ZNF717: variants seen among roughly 807,000 people sequenced by gnomAD.
The protein encoded by ZNF717 is zinc finger protein 717.
ZNF717 carries 9 observed loss-of-function variants against 13.8 expected under a neutral mutation model. That is an observed-to-expected ratio of 0.65 (90% CI 0.39 to 1.14). The LOEUF (loss-of-function observed/expected upper bound fraction) is 1.14. Ranked by LOEUF, ZNF717 falls within the 50% of genes most tolerant of loss-of-function variation. The probability of loss-of-function intolerance (pLI) is 0.01; values close to 1 mark genes in which losing one functional copy is unlikely to be tolerated. For missense variants in ZNF717, 1,040 were observed against 1,080.7 expected (o/e 0.96, Z 0.53); for synonymous variants, 327 against 364.1 (o/e 0.90, Z 1.16).
chr3:75,754,830 A>G (rs933571311), intron 2 of ZNF717, among the ~76,000 whole-genome samples: 4 of 152,206 alleles, frequency 2.6e-5, no homozygotes, highest in African/African-American at 9.6e-5. Flanking sequence ...CAAACCAAAG[A>G]TCCAGGAAGC....
chr3:75,775,526 T>TC (rs1005231776), intron 2 of ZNF717, among the ~76,000 whole-genome samples: 1 of 152,126 alleles, frequency 6.6e-6, no homozygotes, highest in Non-Finnish European at 1.5e-5. Context: ...CCCCATAAGT[T>TC]CCCCGATTCC....
chr3:75,710,034 C>A (rs1223255320), exon 6 of ZNF717: 1 of 152,102 alleles, frequency 6.6e-6, no homozygotes, highest in Non-Finnish European at 1.5e-5. Flanking sequence ...GCTAAGTCTA[C>A]CTGGAGTTCA....
At chr3:75,777,233 A>C (rs9828319) in intron 2 of ZNF717, among the ~76,000 whole-genome samples, 12 of 143,532 alleles carry the variant, frequency 8.4e-5, no homozygotes, top group Non-Finnish European at 9.1e-5. Flanking sequence ...ATGCTAAACC[A>C]GAAACCCAAA....
At chr3:75,720,989 A>C (rs1381941587) in intron 4 of ZNF717, among the ~76,000 whole-genome samples, 1 of 152,136 alleles carries the variant, frequency 6.6e-6, no homozygotes, top group Non-Finnish European at 1.5e-5. Flanking sequence ...ATATCAACTA[A>C]TTGCATTGTT....
chr3:75,695,598 C>T (rs1575756124), intron 6 of ZNF717, among the ~76,000 whole-genome samples: 1 of 152,290 alleles, frequency 6.6e-6, no homozygotes, highest in South Asian at 2.1e-4. Flanking sequence ...TAAAGACATT[C>T]CAAAAAATTG....
downstream of ZNF717, among the ~76,000 whole-genome samples, chr3:75,727,467 C>A (rs147391927): frequency 2.6e-5 from 4 of 152,206 alleles, no homozygotes; most frequent in African/African-American, 9.6e-5. Flanking sequence ...CTTTTCCCAG[C>A]AAGGAATATT....
downstream of ZNF717, among the ~76,000 whole-genome samples, chr3:75,727,279 T>A (rs1243283787): frequency 6.6e-6 from 1 of 152,202 alleles, no homozygotes; most frequent in South Asian, 2.1e-4. Flanking sequence ...ACATGGGTGT[T>A]TGAACAATAT....
At chr3:75,772,369 G>C (rs1157536175) in intron 2 of ZNF717, among the ~76,000 whole-genome samples, 1 of 124,542 alleles carries the variant, frequency 8.0e-6, no homozygotes, top group African/African-American at 2.7e-5. Context: ...GGGCTGAAAC[G>C]TGCCCCTTGC....
chr3:75,754,858 G>A (rs1225689247), intron 2 of ZNF717, among the ~76,000 whole-genome samples: 2 of 151,848 alleles, frequency 1.3e-5, no homozygotes, highest in South Asian at 4.2e-4. Context: ...ACACCAGGCA[G>A]GATAAATGCC....
chr3:75,773,635 A>G (rs116381305), intron 2 of ZNF717, among the ~76,000 whole-genome samples: 7,451 of 78,924 alleles, frequency 0.094, no homozygotes, highest in Middle Eastern at 0.14. Context: ...AACCCCTTGA[A>G]CAGCATCTTG....
At position 75,738,107 on chromosome 3, in the gene ZNF717, G is replaced by GC. The variant is rs1939702698; in HGVS notation, c.1515_1516insG (p.Pro506AlafsTer6). On this transcript the variant is annotated frameshift_variant, in exon 5 of 5. Transcript: ENST00000652011. LOFTEE classifies it low-confidence loss of function (END_TRUNC). ...TTCCCACATTCATTGCATTCGTAGGGTTTTTCCCCTGTGTGAGTCCATTGA... is the reference window on the plus strand; with the variant it reads ...TTCCCACATTCATTGCATTCGTAGGGCTTTTTCCCCTGTGTGAGTCCATTGA... The GC allele has an allele frequency of 4.4e-6, 6 of 1,354,474 alleles. No individual in the cohort carries two copies. 83.9% of individuals were successfully genotyped at this position (1,354,474 alleles called of 1,614,324 possible).
chr3:75,759,236 A>T (rs536983579), intron 2 of ZNF717, among the ~76,000 whole-genome samples: 3 of 152,232 alleles, frequency 2.0e-5, no homozygotes, highest in East Asian at 3.9e-4. Flanking sequence ...ACACTTAAAA[A>T]AAAAACTTAA....
chr3:75,722,177 T>G (rs1184913175), intron 4 of ZNF717, among the ~76,000 whole-genome samples: 1 of 151,874 alleles, frequency 6.6e-6, no homozygotes. Flanking sequence ...AGAGAATCAC[T>G]TGAACCAAGG....
At chr3:75,766,899 A>T (rs1354423519) in intron 2 of ZNF717, among the ~76,000 whole-genome samples, 3 of 152,286 alleles carry the variant, frequency 2.0e-5, no homozygotes, top group African/African-American at 7.2e-5. Flanking sequence ...AGTCAAAAAA[A>T]GTATTCACAA....
At chr3:75,765,075 G>A (rs75273832) in intron 2 of ZNF717, among the ~76,000 whole-genome samples, 7,426 of 100,084 alleles carry the variant, frequency 0.074, no homozygotes, top group Admixed American at 0.088. Flanking sequence ...ACAAAGAAAT[G>A]TTATTCAGCC....
chr3:75,768,376 A>T (rs1943653252), intron 2 of ZNF717, among the ~76,000 whole-genome samples: 1 of 113,530 alleles, frequency 8.8e-6, no homozygotes, highest in Admixed American at 9.4e-5. Context: ...GGGGGGGTAG[A>T]TGACAGCCCA....
At position 75,736,028 on chromosome 3, in the gene ZNF717, C is replaced by T. The variant is rs1432802614; in HGVS notation, c.*850G>A. 5 of 152,126 alleles carry T rather than the reference C, an allele frequency of 3.3e-5. No individual in the cohort carries two copies. The highest frequency in any genetic ancestry group is 1.2e-4 in the African/African-American group (5 of 41,392). 9.4% of individuals were successfully genotyped at this position (152,126 alleles called of 1,614,324 possible). A position where few individuals can be genotyped will look rare whatever the true frequency, so the allele number is the denominator to read the frequency against. ...ACATCTTTTGGCAATCCCAATCTTT[C>T]AAAGATTTTAGTTATCACATCTGTT... On this transcript the variant is annotated 3_prime_UTR_variant, in exon 5 of 5. Transcript: ENST00000652011.
At chr3:75,704,507 A>G in intron 6 of ZNF717, among the ~76,000 whole-genome samples, 1 of 152,428 alleles carries the variant, frequency 6.6e-6, no homozygotes, top group East Asian at 1.9e-4. Flanking sequence ...ACCCTAGGGC[A>G]TAATGTTAGG....
Position 75,774,576 on chromosome 3 carries a change from T to C in ZNF717, c.57+8730A>G, listed in dbSNP as rs971415641. Among the ~76,000 whole-genome samples the C allele has an allele frequency of 7.2e-4, 109 of 151,438 alleles. 1 individual carries two copies. Among genetic ancestry groups the C allele is most frequent in the Admixed American group, 1.8e-3 (27 of 15,206 alleles). ...TATTTAGTGTATGTCATCAATCCATTCTAAAATTGTATAGAATTTCTAAAA... is the reference window on the plus strand; with the variant it reads ...TATTTAGTGTATGTCATCAATCCATCCTAAAATTGTATAGAATTTCTAAAA... On this transcript the variant is annotated intron_variant, in intron 2 of 4. Transcript: ENST00000652011.
Sources: gnomAD v4.1 joint callset for allele counts (sites outside exome capture counted in the v4.1 genomes callset) on GRCh38, gnomAD v4.1.1 for gene constraint, MANE v1.5 for transcripts, NCBI Gene and HGNC (gene_info 2026-07-23, HGNC 2026-07-21) for gene names.